ARL8B: variants seen among roughly 807,000 people sequenced by gnomAD.
The protein encoded by ARL8B is ADP-ribosylation factor-like protein 8B.
Under a neutral mutation model 30.6 loss-of-function variants are expected in ARL8B, and 9 were observed. That is an observed-to-expected ratio of 0.29 (90% confidence interval 0.18 to 0.51). The LOEUF (loss-of-function observed/expected upper bound fraction) is 0.51, where lower values mean the gene tolerates loss of function less well. Ranked by LOEUF, ARL8B falls within the 20% of genes least tolerant of loss-of-function variation. The pLI is 0.97. For synonymous variants in ARL8B, 74 were observed against 76.0 expected, an observed-to-expected ratio of 0.97 and a Z score of 0.14; for missense variants, 130 against 227.2, an observed-to-expected ratio of 0.57 and a Z score of 2.75.
chr3:5,136,876 A>C (rs765036180), intron 1 of ARL8B, among the ~76,000 whole-genome samples: 1 of 152,242 alleles, frequency 6.6e-6, no homozygotes, highest in Non-Finnish European at 1.5e-5. Flanking sequence ...TTCAGGTCCC[A>C]GGTCTGTAAA....
At chr3:5,164,051 T>TC (rs2054603896) in intron 1 of ARL8B, among the ~76,000 whole-genome samples, 1 of 152,218 alleles carries the variant, frequency 6.6e-6, no homozygotes, top group Non-Finnish European at 1.5e-5. Context: ...CTGTACGTAT[T>TC]CAAGTCCCGC....
chr3:5,125,502 T>C (rs2054222543), intron 1 of ARL8B, among the ~76,000 whole-genome samples: 1 of 151,136 alleles, frequency 6.6e-6, no homozygotes, highest in African/African-American at 2.4e-5. Context: ...GCAAAGCTGT[T>C]GAAGTCAAAG....
chr3:5,167,908 A>G (rs564780630), intron 1 of ARL8B, among the ~76,000 whole-genome samples: 2 of 152,230 alleles, frequency 1.3e-5, no homozygotes, highest in African/African-American at 4.8e-5. Flanking sequence ...GTTGTTCAAC[A>G]CAAGCTTTGA....
chr3:5,126,316 CT>C (rs1290623242), intron 1 of ARL8B, among the ~76,000 whole-genome samples: 1 of 152,042 alleles, frequency 6.6e-6, no homozygotes, highest in African/African-American at 2.4e-5. Context: ...AAAATAGTTG[CT>C]TTATAGAATC....
chr3:5,132,345 C>G (rs920152397), intron 1 of ARL8B, among the ~76,000 whole-genome samples: 1 of 152,074 alleles, frequency 6.6e-6, no homozygotes, highest in Admixed American at 6.5e-5. Flanking sequence ...ACCTCCGCCT[C>G]CCTGGTTCAA....
At position 5,172,065 on chromosome 3, in the gene ARL8B, C is replaced by T. The variant is rs867184471; in HGVS notation, c.205-85C>T. 1.8e-5 allele frequency: 23 copies of T among 1,292,276 alleles called. No homozygotes were observed. In the African/African-American group the frequency reaches 2.4e-4, roughly 13 times the overall value. 80.1% of individuals were successfully genotyped at this position (1,292,276 alleles called of 1,614,324 possible). ...CATTGTAGAAATAAATATATCTTCC[C>T]GATCTTTCTTTTTTTCTGTTACTTC... On this transcript the variant is annotated intron_variant, in intron 2 of 6. Coordinates refer to ENST00000256496, the MANE Select transcript of ARL8B (RefSeq NM_018184.3).
At chr3:5,129,945 C>A (rs370358523) in intron 1 of ARL8B, among the ~76,000 whole-genome samples, 1 of 152,142 alleles carries the variant, frequency 6.6e-6, no homozygotes, top group Non-Finnish European at 1.5e-5. Context: ...CTCACTGCAA[C>A]CTCTGCCTCC....
intron 4 of ARL8B, 68 bp from the exon 5 acceptor site, chr3:5,173,949 C>G (rs866588237): frequency 7.0e-6 from 8 of 1,149,028 alleles, no homozygotes; most frequent in African/African-American, 1.5e-5. Flanking sequence ...CTTCACATAT[C>G]AAGATGATAA....
chr3:5,172,888 A>T (rs2054688372), intron 4 of ARL8B, 148 bp downstream of exon 4: 1 of 585,578 alleles, frequency 1.7e-6, no homozygotes, highest in South Asian at 2.2e-5. Context: ...TATCTGCCAT[A>T]TACTGGGCAT....
intron 1 of ARL8B, among the ~76,000 whole-genome samples, chr3:5,149,165 A>G (rs541186460): frequency 6.6e-6 from 1 of 152,338 alleles, no homozygotes; most frequent in Non-Finnish European, 1.5e-5. Context: ...GGCAGTACTT[A>G]CAGTCTAATT....
chr3:5,156,053 C>T (rs990413204), intron 1 of ARL8B, among the ~76,000 whole-genome samples: 3 of 152,120 alleles, frequency 2.0e-5, no homozygotes, highest in African/African-American at 7.2e-5. Context: ...CAGGTGCGCA[C>T]CACCATGCCC....
rs972946461 is a variant in ARL8B at position 5,180,820 on chromosome 3, G to A, written c.*2107G>A. The A allele has an allele frequency of 1.5e-5, 2 of 129,230 alleles. No homozygotes were observed. The highest frequency in any genetic ancestry group is 3.3e-5 in the Non-Finnish European group (2 of 61,250). 8.0% of individuals were successfully genotyped at this position (129,230 alleles called of 1,614,324 possible). On this transcript the variant is annotated 3_prime_UTR_variant, in exon 7 of 7. Transcript: ENST00000256496. ...CTTTTTTGGAAGTTTCCGAGAGGAGGGTCTATAGACCATTTGTCAGAAATC... is the reference window on the plus strand; with the variant it reads ...CTTTTTTGGAAGTTTCCGAGAGGAGAGTCTATAGACCATTTGTCAGAAATC...
In ARL8B at chr3:5,169,344, A is replaced by T. The variant is rs201892915; in HGVS notation, c.124-1159A>T. ...GTGTGTGTGTGTGTGTGTGTGTGTGAGTGTGTGAGACTTCTGGCTCATTTC... is the reference window on the plus strand; with the variant it reads ...GTGTGTGTGTGTGTGTGTGTGTGTGTGTGTGTGAGACTTCTGGCTCATTTC... On this transcript the variant is annotated intron_variant, in intron 1 of 6. Transcript: ENST00000256496. Among the ~76,000 whole-genome samples, 25 of 140,348 alleles carry T rather than the reference A, an allele frequency of 1.8e-4. No individual in the cohort carries two copies. The East Asian group carries it at 2.0e-3, about 11-fold the overall frequency. The allele number at this position is 140,348 out of a possible 152,430, so 92.1% of individuals were successfully genotyped here. A position where few individuals can be genotyped will look rare whatever the true frequency, so the allele number is the denominator to read the frequency against.
At chr3:5,155,460 T>G (rs2054523704) in intron 1 of ARL8B, among the ~76,000 whole-genome samples, 1 of 152,204 alleles carries the variant, frequency 6.6e-6, no homozygotes. Flanking sequence ...TTGGGGAGTT[T>G]TGGGTCATTA....
intron 1 of ARL8B, among the ~76,000 whole-genome samples, chr3:5,163,230 G>A (rs181225326): frequency 1.1e-4 from 16 of 151,936 alleles, no homozygotes; most frequent in African/African-American, 3.1e-4. Flanking sequence ...CAGGTGATCC[G>A]CCCGCCTCAG....
chr3:5,123,202 A>G (rs1002061311), intron 1 of ARL8B, among the ~76,000 whole-genome samples: 2 of 152,204 alleles, frequency 1.3e-5, no homozygotes, highest in African/African-American at 4.8e-5. Context: ...CACAATACAT[A>G]GTATTTATTA....
At position 5,179,964 on chromosome 3, in the gene ARL8B, G is replaced by T. The variant is rs575511111; in HGVS notation, c.*1251G>T. ...CATGTTTTGTAGTTTAGCGACTTCC[G>T]TATACATAAAGGGACATATTAATAC... On this transcript the variant is annotated 3_prime_UTR_variant, in exon 7 of 7. Coordinates refer to ENST00000256496, the MANE Select transcript of ARL8B (RefSeq NM_018184.3). 1 of 152,650 alleles carries T rather than the reference G, an allele frequency of 6.6e-6. No individual in the cohort carries two copies. The highest frequency in any genetic ancestry group is 1.5e-5 in the Non-Finnish European group (1 of 67,998). The allele number at this position is 152,650 out of a possible 1,614,324, so 9.5% of individuals were successfully genotyped here.
At chr3:5,127,501 C>T (rs2054240435) in intron 1 of ARL8B, among the ~76,000 whole-genome samples, 1 of 152,032 alleles carries the variant, frequency 6.6e-6, no homozygotes, top group Non-Finnish European at 1.5e-5. Flanking sequence ...AGCATACTGA[C>T]TAACATTTGA....
intron 1 of ARL8B, among the ~76,000 whole-genome samples, chr3:5,147,513 C>T (rs539848369): frequency 1.3e-5 from 2 of 152,242 alleles, no homozygotes; most frequent in South Asian, 4.1e-4. Flanking sequence ...AACATCCACT[C>T]TTAGGAGCTT....
Sources: gnomAD v4.1 joint callset for allele counts (sites outside exome capture counted in the v4.1 genomes callset) on GRCh38, gnomAD v4.1.1 for gene constraint, MANE v1.5 for transcripts, NCBI Gene and HGNC (gene_info 2026-07-23, HGNC 2026-07-21) for gene names.